The following AUTS2 variants were observed in gnomAD, a reference collection of about 807,000 sequenced individuals.
The protein encoded by AUTS2 is autism susceptibility gene 2 protein.
A neutral mutation model predicts 112.4 loss-of-function variants in AUTS2; 17 were observed. That is an observed-to-expected ratio of 0.15 (90% CI 0.10 to 0.23). AUTS2 has a LOEUF of 0.23. Ranked by LOEUF, AUTS2 falls within the 10% of genes least tolerant of loss-of-function variation. The probability of loss-of-function intolerance (pLI) is 1.00; values close to 1 mark genes in which losing one functional copy is unlikely to be tolerated. For synonymous variants in AUTS2, 751 were observed against 702.7 expected, an observed-to-expected ratio of 1.07 and a Z score of -1.09; for missense variants, 1,510 against 1,701.6, an observed-to-expected ratio of 0.89 and a Z score of 1.98.
intron 2 of AUTS2, among the ~76,000 whole-genome samples, chr7:70,008,203 A>T (rs138857655): frequency 1.3e-5 from 2 of 152,254 alleles, no homozygotes; most frequent in Non-Finnish European, 2.9e-5. Context: ...GTACATATTC[A>T]TATTTTTTCT....
intron 5 of AUTS2, among the ~76,000 whole-genome samples, chr7:70,449,423 G>A (rs1796441124): frequency 6.6e-6 from 1 of 152,166 alleles, no homozygotes; most frequent in African/African-American, 2.4e-5. Flanking sequence ...CACCTGGATT[G>A]GTCAGTTATG....
intron 6 of AUTS2, among the ~76,000 whole-genome samples, chr7:70,756,270 CTTA>C (rs1789191890): frequency 6.6e-6 from 1 of 152,260 alleles, no homozygotes; most frequent in South Asian, 2.1e-4. Context: ...TGATTACTTA[CTTA>C]TTATGTGTTG....
At chr7:70,512,300 G>A (rs1375488341) in intron 5 of AUTS2, among the ~76,000 whole-genome samples, 1 of 152,206 alleles carries the variant, frequency 6.6e-6, no homozygotes, top group East Asian at 1.9e-4. Flanking sequence ...ACATTGCTAA[G>A]CCTGCTGAGT....
At chr7:69,830,918 G>A (rs1464724756) in intron 1 of AUTS2, among the ~76,000 whole-genome samples, 5 of 152,132 alleles carry the variant, frequency 3.3e-5, no homozygotes, top group Non-Finnish European at 7.4e-5. Context: ...GAGGAATGCC[G>A]ATGGTTTTCA....
chr7:70,612,532 A>C (rs1246191513), intron 5 of AUTS2, among the ~76,000 whole-genome samples: 1 of 151,946 alleles, frequency 6.6e-6, no homozygotes. Context: ...ATTGTCCTTC[A>C]AGTTGAGGAA....
chr7:70,160,007 G>GCT (rs1415910415), intron 4 of AUTS2, among the ~76,000 whole-genome samples: 1 of 152,048 alleles, frequency 6.6e-6, no homozygotes, highest in Admixed American at 6.5e-5. Context: ...TAGTTTTAGA[G>GCT]CTCTTACTTC....
intron 4 of AUTS2, among the ~76,000 whole-genome samples, chr7:70,279,886 T>A (rs1400084324): frequency 6.6e-6 from 1 of 152,186 alleles, no homozygotes; most frequent in East Asian, 1.9e-4. Context: ...AAAAATATAT[T>A]TGTCTACAGT....
At chr7:69,635,069 C>T (rs555939998) in intron 1 of AUTS2, among the ~76,000 whole-genome samples, 1 of 152,056 alleles carries the variant, frequency 6.6e-6, no homozygotes, top group African/African-American at 2.4e-5. Flanking sequence ...GCCCATGGTC[C>T]CCATGTGTAT....
At chr7:69,715,844 C>A (rs751680839) in intron 1 of AUTS2, among the ~76,000 whole-genome samples, 1 of 152,184 alleles carries the variant, frequency 6.6e-6, no homozygotes, top group African/African-American at 2.4e-5. Flanking sequence ...ATTTTCTCAA[C>A]AACCTTGTAA....
At chr7:69,825,893 G>T (rs576124387) in intron 1 of AUTS2, 3 of 152,332 alleles carry the variant, frequency 2.0e-5, no homozygotes, top group Admixed American at 1.3e-4. Context: ...AGCAATTAAC[G>T]TAGTGCCATT....
intron 4 of AUTS2, among the ~76,000 whole-genome samples, chr7:70,206,930 T>A (rs1396867652): frequency 1.3e-5 from 2 of 152,200 alleles, no homozygotes; most frequent in Non-Finnish European, 2.9e-5. Flanking sequence ...TTTTACCCAA[T>A]GATTGAAAAT....
intron 4 of AUTS2, among the ~76,000 whole-genome samples, chr7:70,229,024 T>C (rs975442246): frequency 2.0e-5 from 3 of 152,000 alleles, no homozygotes; most frequent in African/African-American, 4.8e-5. Flanking sequence ...ACTATTATTA[T>C]ATATATTAAT....
intron 5 of AUTS2, among the ~76,000 whole-genome samples, chr7:70,535,717 TTG>T (rs1485989312): frequency 6.6e-6 from 1 of 152,118 alleles, no homozygotes; most frequent in African/African-American, 2.4e-5. Context: ...GCCCAGCCTG[TTG>T]TGTTGTTTTC....
At chr7:70,491,565 A>G (rs985204622) in intron 5 of AUTS2, among the ~76,000 whole-genome samples, 12 of 145,140 alleles carry the variant, frequency 8.3e-5, no homozygotes, top group African/African-American at 2.0e-4. Context: ...ATAATATATT[A>G]TGTGTATATA....
At chr7:70,047,430 T>C (rs559827501) in intron 2 of AUTS2, among the ~76,000 whole-genome samples, 123 of 152,314 alleles carry the variant, frequency 8.1e-4, no homozygotes, top group Non-Finnish European at 1.1e-3. Context: ...ACTTTCCCTA[T>C]TTTTTATGTT....
chr7:70,398,107 A>C (rs146548665), intron 4 of AUTS2, among the ~76,000 whole-genome samples: 74 of 152,338 alleles, frequency 4.9e-4, no homozygotes, highest in African/African-American at 1.7e-3. Context: ...TCTGTTGTTC[A>C]CATGTATGTG....
Position 70,713,346 on chromosome 7 carries a change from A to G in AUTS2, c.742+14726A>G, listed in dbSNP as rs144974463. ...TTTAAACTGCTTTATCCAGGATTGT[A>G]GAACAATGGGCAGAAGTGTTTTGAA... On this transcript the variant is annotated intron_variant, in intron 6 of 18. Transcript: ENST00000342771. Among the ~76,000 whole-genome samples, 617 of 152,362 alleles carry G rather than the reference A, an allele frequency of 4.0e-3. 1 individual carries two copies. The highest frequency in any genetic ancestry group is 6.6e-3 in the Non-Finnish European group (450 of 68,036).
chr7:70,546,538 G>T (rs968098504), intron 5 of AUTS2, among the ~76,000 whole-genome samples: 25 of 152,098 alleles, frequency 1.6e-4, no homozygotes, highest in African/African-American at 6.0e-4. Context: ...CAGCACTTTG[G>T]GAGGCCAAGA....
intron 4 of AUTS2, among the ~76,000 whole-genome samples, chr7:70,431,126 C>A (rs989189005): frequency 6.6e-6 from 1 of 151,952 alleles, no homozygotes; most frequent in East Asian, 1.9e-4. Flanking sequence ...CGTGAGCCAC[C>A]GCGCCCGGCC....
Sources: allele counts gnomAD v4.1 joint callset (sites outside exome capture counted in the v4.1 genomes callset), GRCh38; gene constraint gnomAD v4.1.1; transcripts MANE v1.5; gene names NCBI Gene and HGNC (gene_info 2026-07-23, HGNC 2026-07-21).